The following PTPN4 variants were observed in gnomAD, a reference collection of about 807,000 sequenced individuals.
PTPN4 encodes the protein protein tyrosine phosphatase non-receptor type 4.
PTPN4 carries 49 observed loss-of-function variants against 135.5 expected under a neutral mutation model. The observed-to-expected ratio is 0.36, with a 90% CI of 0.29 to 0.46. The LOEUF (loss-of-function observed/expected upper bound fraction) is 0.46, where lower values mean the gene tolerates loss of function less well. Ranked by LOEUF, PTPN4 falls within the 20% of genes least tolerant of loss-of-function variation. PTPN4 has a pLI of 1.00. For synonymous variants in PTPN4, 333 were observed against 369.9 expected (o/e 0.90, Z 1.14); for missense variants, 860 against 1,101.0 (o/e 0.78, Z 3.10).
At chr2:119,943,578 T>C (rs148381855) in intron 15 of PTPN4, among the ~76,000 whole-genome samples, 1 of 123,906 alleles carries the variant, frequency 8.1e-6, no homozygotes, top group Non-Finnish European at 1.7e-5. Flanking sequence ...TTTCATTTTT[T>C]TCTTTTTTTT....
chr2:119,861,238 C>T (rs1677755853), intron 2 of PTPN4, among the ~76,000 whole-genome samples: 1 of 152,034 alleles, frequency 6.6e-6, no homozygotes, highest in East Asian at 1.9e-4. Context: ...TAATCTAGTA[C>T]TGTGATAGTG....
Position 119,983,968 on chromosome 2 carries a change from G to A in PTPN4, c.*6898G>A, listed in dbSNP as rs1483651841. 6.6e-6 allele frequency: 1 copy of A among 152,048 alleles called. No homozygotes were observed. Among genetic ancestry groups the A allele is most frequent in the Non-Finnish European group, 1.5e-5 (1 of 68,002 alleles). The allele number at this position is 152,048 out of a possible 1,614,324, so 9.4% of individuals were successfully genotyped here. A position where few individuals can be genotyped will look rare whatever the true frequency, so the allele number is the denominator to read the frequency against. ...TAGATGCTGCACAAGTAAGTTTAAG[G>A]GAATAAAAGTCCCGACACTTTATAT... On this transcript the variant is annotated 3_prime_UTR_variant, in exon 27 of 27. Coordinates refer to ENST00000263708, the MANE Select transcript of PTPN4 (RefSeq NM_002830.4).
At chr2:119,838,441 T>C (rs755635382) in intron 2 of PTPN4, among the ~76,000 whole-genome samples, 21 of 152,234 alleles carry the variant, frequency 1.4e-4, no homozygotes, top group Non-Finnish European at 2.9e-4. Context: ...CTTGGAAACA[T>C]ACTACCTTCC....
rs910127117 is a variant in PTPN4, at chr2:119,919,994, G to C, written c.829-75G>C. The C allele has an allele frequency of 2.6e-6, 4 of 1,511,330 alleles. No homozygotes were observed. In the South Asian group the frequency reaches 5.6e-5, roughly 21 times the overall value. The allele number at this position is 1,511,330 out of a possible 1,614,324, so 93.6% of individuals were successfully genotyped here. ...TTTACAAGGCTAGAATAATTTATCTGTCAAAAGTAAATTAAATGGAGCATT... is the reference window on the plus strand; with the variant it reads ...TTTACAAGGCTAGAATAATTTATCTCTCAAAAGTAAATTAAATGGAGCATT... On this transcript the variant is annotated intron_variant, in intron 11 of 26. Coordinates refer to ENST00000263708, the MANE Select transcript of PTPN4 (RefSeq NM_002830.4).
intron 26 of PTPN4, among the ~76,000 whole-genome samples, chr2:119,971,069 C>A (rs1464183045): frequency 6.6e-6 from 1 of 152,150 alleles, no homozygotes; most frequent in Non-Finnish European, 1.5e-5. Context: ...CACACTGCTA[C>A]AAATAAACAC....
chr2:119,795,177 A>C (rs143817373), intron 1 of PTPN4, among the ~76,000 whole-genome samples: 2 of 152,232 alleles, frequency 1.3e-5, no homozygotes, highest in East Asian at 3.9e-4. Flanking sequence ...CTCAGAGGGA[A>C]GTGCTTGCTG....
At chr2:119,787,138 G>T (rs1360338327) in intron 1 of PTPN4, among the ~76,000 whole-genome samples, 1 of 152,172 alleles carries the variant, frequency 6.6e-6, no homozygotes, top group African/African-American at 2.4e-5. Flanking sequence ...TTGGCTTACA[G>T]GTTTTAGCAT....
intron 1 of PTPN4, among the ~76,000 whole-genome samples, chr2:119,761,103 T>C (rs1292039871): frequency 6.6e-6 from 1 of 152,246 alleles, no homozygotes; most frequent in South Asian, 2.1e-4. Flanking sequence ...GTTATGCATC[T>C]GCAATATGCC....
At chr2:119,871,218 G>A (rs548361216) in intron 3 of PTPN4, among the ~76,000 whole-genome samples, 1 of 150,026 alleles carries the variant, frequency 6.7e-6, no homozygotes, top group African/African-American at 2.5e-5. Flanking sequence ...TCTGGCAAAG[G>A]CTCGGGAAAT....
At chr2:119,764,014 T>C (rs866486188) in intron 1 of PTPN4, among the ~76,000 whole-genome samples, 2 of 152,348 alleles carry the variant, frequency 1.3e-5, no homozygotes, top group Non-Finnish European at 2.9e-5. Context: ...AGGTTCCTTC[T>C]TGCCTGAAGT....
At chr2:119,961,013 TGTA>T in intron 23 of PTPN4, 60 bp downstream of exon 23, 1 of 1,476,396 alleles carries the variant, frequency 6.8e-7, no homozygotes, top group East Asian at 2.4e-5. Context: ...ACTGCACATA[TGTA>T]GTCAAAATAT....
At chr2:119,801,009 G>GGGAGTATAGTTACTCCCACTTTA (rs1691352826) in intron 1 of PTPN4, among the ~76,000 whole-genome samples, 1 of 151,750 alleles carries the variant, frequency 6.6e-6, no homozygotes, top group Admixed American at 6.6e-5. Context: ...CTTTGGGAGT[G>GGGAGTATAGTTACTCCCACTTTA]GGAGTATAGT....
In PTPN4 at chr2:119,955,282, G is replaced by A. The variant is rs143331305; in HGVS notation, c.1939G>A (p.Ala647Thr). ...CCTGCGGGAGTCAATGATCCAGCTAGCTGAGGGGCTTATCACTGGAACAGT... is the reference window on the plus strand; with the variant it reads ...CCTGCGGGAGTCAATGATCCAGCTAACTGAGGGGCTTATCACTGGAACAGT... Reference protein sequence around the residue: ...HSLRESMIQLAEGLITGTVLT... With the variant: ...HSLRESMIQLTEGLITGTVLT... Residue 647 changes from alanine to threonine, a missense_variant, in exon 20 of 27, where the codon GCT (alanine) becomes ACT (threonine). Ala to Thr is a moderately conservative substitution (Grantham distance 58, BLOSUM62 0). Transcript: ENST00000263708. 4.8e-4 allele frequency: 780 copies of A among 1,613,106 alleles called. No homozygotes were observed. The highest frequency in any genetic ancestry group is 6.0e-4 in the Non-Finnish European group (711 of 1,179,650).
In PTPN4 at chr2:119,834,525, T is replaced by C. The variant is rs577553542; in HGVS notation, c.138+24534T>C. On this transcript the variant is annotated intron_variant, in intron 2 of 26. Coordinates refer to ENST00000263708, the MANE Select transcript of PTPN4 (RefSeq NM_002830.4). ...TCTGCCATATTGCTGGAAAAGGAAG[T>C]TGGTATTTTAAAATAAGCTATACAA... Among the ~76,000 whole-genome samples the C allele has an allele frequency of 2.6e-5, 4 of 152,128 alleles. No individual in the cohort carries two copies. In the East Asian group the frequency reaches 7.7e-4, roughly 29 times the overall value.
At chr2:119,767,607 C>T (rs1471879301) in intron 1 of PTPN4, among the ~76,000 whole-genome samples, 1 of 152,190 alleles carries the variant, frequency 6.6e-6, no homozygotes, top group Admixed American at 6.5e-5. Flanking sequence ...TAGTTTCCAT[C>T]AGTTTGGAAT....
intron 1 of PTPN4, among the ~76,000 whole-genome samples, chr2:119,804,017 C>T (rs1202695209): frequency 6.6e-6 from 1 of 152,032 alleles, no homozygotes; most frequent in Admixed American, 6.6e-5. Context: ...CTTGTACTTT[C>T]TACCTGCCTG....
At chr2:119,837,781 TC>T (rs141626579) in intron 2 of PTPN4, among the ~76,000 whole-genome samples, 3,837 of 152,316 alleles carry the variant, frequency 0.025, 163 homozygotes, top group African/African-American at 0.087. Flanking sequence ...TCTCCAAGCT[TC>T]CAGGCACCAC....
At chr2:119,902,619 A>T (rs1004762351) in intron 10 of PTPN4, among the ~76,000 whole-genome samples, 12 of 152,212 alleles carry the variant, frequency 7.9e-5, no homozygotes, top group African/African-American at 2.9e-4. Flanking sequence ...GAACAGAAGA[A>T]TTCAACAAGG....
chr2:119,766,443 T>TGCGCGCGCGC (rs145798313), intron 1 of PTPN4, among the ~76,000 whole-genome samples: 8 of 109,766 alleles, frequency 7.3e-5, no homozygotes, highest in East Asian at 3.7e-4. Flanking sequence ...TATGCGCATG[T>TGCGCGCGCGC]GCGCGCGTGT....
Sources: gnomAD v4.1 joint callset for allele counts (sites outside exome capture counted in the v4.1 genomes callset) on GRCh38, gnomAD v4.1.1 for gene constraint, MANE v1.5 for transcripts, NCBI Gene and HGNC (gene_info 2026-07-23, HGNC 2026-07-21) for gene names.